ASB15: variants seen among roughly 807,000 people sequenced by gnomAD.
ASB15 encodes ankyrin repeat and SOCS box containing 15.
Under a neutral mutation model 58.0 loss-of-function variants are expected in ASB15, and 54 were observed. The ratio of observed to expected loss-of-function variants is 0.93; its 90% confidence interval spans 0.75 to 1.17. The LOEUF (loss-of-function observed/expected upper bound fraction) is 1.17, where lower values mean the gene tolerates loss of function less well. ASB15 is among the 50% of genes most tolerant of loss of function. ASB15 has a pLI of 0.00. For synonymous variants in ASB15, 249 were observed against 262.4 expected (o/e 0.95, Z 0.50); for missense variants, 680 against 707.4 (o/e 0.96, Z 0.44).
intron 11 of ASB15, among the ~76,000 whole-genome samples, chr7:123,635,049 T>C (rs1021271156): frequency 6.6e-6 from 1 of 152,098 alleles, no homozygotes; most frequent in African/African-American, 2.4e-5. Flanking sequence ...AAAAAGGGGA[T>C]GGAGAGAATA....
intron 3 of ASB15, among the ~76,000 whole-genome samples, chr7:123,610,634 G>A (rs1470985221): frequency 6.6e-6 from 1 of 152,104 alleles, no homozygotes. Flanking sequence ...ATTTTGAGTG[G>A]ACATGTGTCC....
chr7:123,613,414 GA>G (rs1297848775), intron 3 of ASB15, among the ~76,000 whole-genome samples: 5 of 152,078 alleles, frequency 3.3e-5, no homozygotes, highest in Non-Finnish European at 2.9e-5. Flanking sequence ...CTCAGCTATA[GA>G]AATTTTATTT....
intron 6 of ASB15, among the ~76,000 whole-genome samples, 182 bp from the exon 7 acceptor site, chr7:123,617,397 A>C (rs1252107678): frequency 6.6e-6 from 1 of 152,212 alleles, no homozygotes; most frequent in East Asian, 1.9e-4. Context: ...CAATTTGATT[A>C]GCAAGTCCAT....
chr7:123,601,273 C>T (rs147745698), upstream of ASB15, among the ~76,000 whole-genome samples: 1 of 152,132 alleles, frequency 6.6e-6, no homozygotes, highest in Non-Finnish European at 1.5e-5. Context: ...ATTTGCTACT[C>T]ATTTTTTTAG....
At chr7:123,575,327 G>A (rs144366171) in intron 1 of ASB15, among the ~76,000 whole-genome samples, 47 of 151,742 alleles carry the variant, frequency 3.1e-4, no homozygotes, top group African/African-American at 1.0e-3. Context: ...GTAAAACACC[G>A]CCTTTCTTAG....
rs867990135 is a variant in ASB15 at position 123,617,700 on chromosome 7, C to T, written c.414C>T (p.Asn138=). The T allele has an allele frequency of 6.2e-7, 1 of 1,612,722 alleles. No individual in the cohort carries two copies. Among genetic ancestry groups the T allele is most frequent in the Non-Finnish European group, 8.5e-7 (1 of 1,178,938 alleles). Residue 138 remains asparagine (N), a synonymous_variant, in exon 7 of 12, where the codon AAC becomes AAT. Transcript: ENST00000451215. The part of the protein sequence containing the change: ...RTLLEKGVWP[N]TKNDKGETPL... ...TATTAGAAAAGGGAGTGTGGCCCAACACAAAAAATGATAAAGGAGAGACCC... is the reference window on the plus strand; with the variant it reads ...TATTAGAAAAGGGAGTGTGGCCCAATACAAAAAATGATAAAGGAGAGACCC...
intron 11 of ASB15, among the ~76,000 whole-genome samples, chr7:123,635,455 A>G (rs1802369840): frequency 6.6e-6 from 1 of 152,184 alleles, no homozygotes; most frequent in Non-Finnish European, 1.5e-5. Context: ...TCATAGTAAT[A>G]GACATAGAAA....
chr7:123,629,639 T>C (rs1456702813), intron 10 of ASB15, among the ~76,000 whole-genome samples: 1 of 152,124 alleles, frequency 6.6e-6, no homozygotes, highest in Non-Finnish European at 1.5e-5. Flanking sequence ...TGTTTGTTTT[T>C]TCTTGACTTG....
intron 3 of ASB15, among the ~76,000 whole-genome samples, chr7:123,611,202 G>C (rs1293454865): frequency 6.6e-6 from 1 of 151,964 alleles, no homozygotes; most frequent in Non-Finnish European, 1.5e-5. Flanking sequence ...TCATGCTTCT[G>C]AGTAGTGCTT....
rs563739903 is a variant in ASB15, at chr7:123,571,653, G to A, written c.-443+4565G>A. The stretch of plus-strand genomic sequence containing the variant: ...GGTCATTGCCAAGTCTTTCAAAACA[G>A]TGGTACTAATTTACAAAATAACCAG... On this transcript the variant is annotated intron_variant, in intron 1 of 13. Transcript: ENST00000451558. Among the ~76,000 whole-genome samples the A allele has an allele frequency of 5.3e-5, 8 of 152,292 alleles. No individual in the cohort carries two copies. The South Asian group carries it at 1.7e-3, about 32-fold the overall frequency.
intron 3 of ASB15, among the ~76,000 whole-genome samples, chr7:123,611,095 A>G (rs1446611467): frequency 6.6e-6 from 1 of 151,420 alleles, no homozygotes; most frequent in Admixed American, 6.6e-5. Context: ...AAAAAAAAAA[A>G]AAAAAAAAAG....
intron 8 of ASB15, 95 bp downstream of exon 8, chr7:123,624,909 G>A: frequency 7.1e-7 from 1 of 1,409,990 alleles, no homozygotes; most frequent in Non-Finnish European, 9.6e-7. Flanking sequence ...AATGTAACTA[G>A]GGGAGCTCCT....
At chr7:123,596,999 G>GT (rs550540970), upstream of ASB15, among the ~76,000 whole-genome samples, 173 of 152,324 alleles carry the variant, frequency 1.1e-3, no homozygotes, top group African/African-American at 4.0e-3. Flanking sequence ...ACTGAGATAT[G>GT]TAAGAAGTCA....
intron 1 of ASB15, among the ~76,000 whole-genome samples, chr7:123,603,118 A>G (rs1490001262): frequency 6.6e-6 from 1 of 152,176 alleles, no homozygotes; most frequent in African/African-American, 2.4e-5. Flanking sequence ...TTGCTATGCT[A>G]TGTGCTTTAC....
chr7:123,602,262 T>A (rs577065705), intron 1 of ASB15, among the ~76,000 whole-genome samples: 1 of 152,122 alleles, frequency 6.6e-6, no homozygotes, highest in African/African-American at 2.4e-5. Flanking sequence ...ATAAAAAAAA[T>A]TAAATAATTT....
At chr7:123,623,860 T>C (rs1801504320) in intron 7 of ASB15, among the ~76,000 whole-genome samples, 1 of 34,336 alleles carries the variant, frequency 2.9e-5, no homozygotes, top group Non-Finnish European at 5.0e-5. Flanking sequence ...CGAGACTCTG[T>C]CTCAAAAAAA....
intron 1 of ASB15, among the ~76,000 whole-genome samples, chr7:123,573,733 T>C (rs1798981174): frequency 6.6e-6 from 1 of 152,180 alleles, no homozygotes; most frequent in African/African-American, 2.4e-5. Context: ...TGGTTCCCAT[T>C]ATCCAGAAAG....
chr7:123,632,890 A>G (rs1306385738), intron 11 of ASB15, among the ~76,000 whole-genome samples: 2 of 152,172 alleles, frequency 1.3e-5, no homozygotes, highest in Admixed American at 1.3e-4. Flanking sequence ...CTTATAAGAG[A>G]AAAAAATAGA....
At chr7:123,606,938 G>A (rs1300136305) in intron 2 of ASB15, among the ~76,000 whole-genome samples, 1 of 152,178 alleles carries the variant, frequency 6.6e-6, no homozygotes, top group Non-Finnish European at 1.5e-5. Context: ...CTCTGAGATA[G>A]TGATTTCAAT....
Sources: allele counts gnomAD v4.1 joint callset (sites outside exome capture counted in the v4.1 genomes callset), GRCh38; gene constraint gnomAD v4.1.1; transcripts MANE v1.5; gene names NCBI Gene and HGNC (gene_info 2026-07-23, HGNC 2026-07-21).